The following PDE10A variants were observed in gnomAD, a reference collection of about 807,000 sequenced individuals.
PDE10A encodes phosphodiesterase 10A.
PDE10A carries 39 observed loss-of-function variants against 97.7 expected under a neutral mutation model. That is an observed-to-expected ratio of 0.40 (90% CI 0.31 to 0.52). The LOEUF is 0.52. Ranked by LOEUF, PDE10A falls within the 20% of genes least tolerant of loss-of-function variation. The probability of loss-of-function intolerance (pLI) is 0.56; values close to 1 mark genes in which losing one functional copy is unlikely to be tolerated. For synonymous variants in PDE10A, 371 were observed against 376.8 expected (o/e 0.98, Z 0.18); for missense variants, 731 against 1,047.8 (o/e 0.70, Z 4.17).
At chr6:165,946,521 A>G (rs532287097) in intron 1 of PDE10A, among the ~76,000 whole-genome samples, 1 of 151,746 alleles carries the variant, frequency 6.6e-6, no homozygotes, top group South Asian at 2.1e-4. Context: ...AAAGAAAAAG[A>G]AAAAGGAAAA....
chr6:165,914,752 A>G (rs562702790), intron 1 of PDE10A, among the ~76,000 whole-genome samples: 88 of 152,334 alleles, frequency 5.8e-4, no homozygotes, highest in African/African-American at 2.1e-3. Flanking sequence ...TGTGTTTGTC[A>G]TCTCATAAAT....
chr6:165,595,751 C>T (rs974786920), intron 1 of PDE10A, among the ~76,000 whole-genome samples: 1 of 152,226 alleles, frequency 6.6e-6, no homozygotes, highest in Non-Finnish European at 1.5e-5. Context: ...CTAGTGAAGG[C>T]CCCTTCTTCA....
At position 165,406,230 on chromosome 6, in the gene PDE10A, G is replaced by GTGTGTGTT. The variant is rs1245511835; in HGVS notation, c.2076+7270_2076+7271insAACACACA. On this transcript the variant is annotated intron_variant, in intron 13 of 21. Transcript: ENST00000539869. ...CAAATTCAAGATGAGGGAAAAGGAT[G>GTGTGTGTT]TGTGTGTGTGTGTGTGTGTGTGTGT... is the stretch of plus-strand genomic sequence containing the variant. 2.6e-4 allele frequency among the ~76,000 whole-genome samples: 36 copies of GTGTGTGTT among 141,092 alleles called. No homozygotes were observed. The South Asian group carries it at 6.1e-3, about 24-fold the overall frequency. 92.6% of individuals were successfully genotyped at this position (141,092 alleles called of 152,430 possible). A position where few individuals can be genotyped will look rare whatever the true frequency, so the allele number is the denominator to read the frequency against.
At chr6:165,416,101 G>A in intron 12 of PDE10A, 88 bp downstream of exon 12, 1 of 838,780 alleles carries the variant, frequency 1.2e-6, no homozygotes, top group Non-Finnish European at 2.1e-6. Context: ...ATTGGGACGT[G>A]GAGAACTCAG....
chr6:165,914,413 T>C (rs1782549246), intron 1 of PDE10A, among the ~76,000 whole-genome samples: 1 of 152,236 alleles, frequency 6.6e-6, no homozygotes, highest in Admixed American at 6.5e-5. Flanking sequence ...TCGCCTGTGA[T>C]GACATCATTC....
At chr6:165,603,239 T>C (rs1175719644) in intron 1 of PDE10A, among the ~76,000 whole-genome samples, 1 of 152,196 alleles carries the variant, frequency 6.6e-6, no homozygotes, top group African/African-American at 2.4e-5. Context: ...TCCAGCCATG[T>C]TGAGGAACCC....
chr6:165,950,886 A>G (rs1340088646), intron 1 of PDE10A, among the ~76,000 whole-genome samples: 1 of 152,244 alleles, frequency 6.6e-6, no homozygotes, highest in African/African-American at 2.4e-5. Context: ...ACTGGGGTAC[A>G]CGTTGGGAGA....
rs187687920 is a variant in PDE10A at position 165,389,971 on chromosome 6, T to C, written c.2455-1518A>G. ...TTTCTATTCTTTCATGAAGGGATTT[T>C]GAGTGGAATTCAGGTTATGCCAAAC... On this transcript the variant is annotated intron_variant, in intron 16 of 21. Coordinates refer to ENST00000539869, the MANE Select transcript of PDE10A (RefSeq NM_001385079.1). 9.1e-4 allele frequency among the ~76,000 whole-genome samples: 139 copies of C among 152,334 alleles called. 4 individuals are homozygous for C. The highest frequency in any genetic ancestry group is 5.2e-4 in the Admixed American group (8 of 15,302).
intron 1 of PDE10A, among the ~76,000 whole-genome samples, chr6:165,636,465 C>T (rs1030374869): frequency 1.8e-4 from 28 of 152,126 alleles, no homozygotes; most frequent in African/African-American, 6.5e-4. Context: ...AGAAGAACTC[C>T]AATTTTATTA....
intron 1 of PDE10A, among the ~76,000 whole-genome samples, chr6:165,847,122 C>T (rs1780442128): frequency 6.6e-6 from 1 of 152,192 alleles, no homozygotes; most frequent in South Asian, 2.1e-4. Flanking sequence ...TCCTCTTCTA[C>T]CATACACACC....
intron 1 of PDE10A, among the ~76,000 whole-genome samples, chr6:165,682,623 G>A (rs9355543): frequency 0.87 from 133,039 of 152,162 alleles, 58,325 homozygotes; most frequent in South Asian, 0.92. Flanking sequence ...TCTACGAACC[G>A]GAAAGCCAGC....
chr6:165,442,410 C>G (rs1790540223), intron 5 of PDE10A, among the ~76,000 whole-genome samples: 1 of 151,994 alleles, frequency 6.6e-6, no homozygotes, highest in Non-Finnish European at 1.5e-5. Context: ...TTAATTGACT[C>G]ACAGTTCCAC....
At chr6:165,831,106 C>T (rs911046060) in intron 1 of PDE10A, among the ~76,000 whole-genome samples, 7 of 152,128 alleles carry the variant, frequency 4.6e-5, no homozygotes, top group South Asian at 2.1e-4. Context: ...ATTGCCAGGC[C>T]GGGCGCGGTG....
rs568867700 is a variant in PDE10A, at chr6:165,347,387, AT to A, written c.2784-3886del. ...GATATAGTAATTATCTCACTAAAAT[AT>A]ACTTTAAATTTAAGTTCTAAAATCT... is the stretch of plus-strand genomic sequence containing the variant. On this transcript the variant is annotated intron_variant, in intron 18 of 21. Transcript: ENST00000539869. Among the ~76,000 whole-genome samples, 445 of 152,312 alleles carry A rather than the reference AT, an allele frequency of 2.9e-3. 3 individuals carry two copies. The highest frequency in any genetic ancestry group is 1.0e-2 in the African/African-American group (414 of 41,582).
chr6:165,809,049 A>G (rs549362481), intron 1 of PDE10A, among the ~76,000 whole-genome samples: 2 of 152,366 alleles, frequency 1.3e-5, no homozygotes, highest in South Asian at 4.1e-4. Context: ...TTGAACACAT[A>G]CAGACTTTTG....
chr6:165,843,572 C>T (rs1004338514), intron 1 of PDE10A, among the ~76,000 whole-genome samples: 1 of 152,140 alleles, frequency 6.6e-6, no homozygotes, highest in Non-Finnish European at 1.5e-5. Context: ...GTAGAAGGGA[C>T]GGACAGGCTC....
At chr6:165,478,205 T>C (rs1779401321) in intron 3 of PDE10A, among the ~76,000 whole-genome samples, 1 of 152,220 alleles carries the variant, frequency 6.6e-6, no homozygotes, top group Non-Finnish European at 1.5e-5. Context: ...GTTTTCTGCA[T>C]AACAGTAAGG....
Position 165,485,467 on chromosome 6 carries a change from C to CAA in PDE10A, c.995-3126_995-3125dup, listed in dbSNP as rs534131585. 3.7e-3 allele frequency among the ~76,000 whole-genome samples: 187 copies of CAA among 50,212 alleles called. 2 individuals carry two copies. The highest frequency in any genetic ancestry group is 0.011 in the African/African-American group (167 of 14,954). 32.9% of individuals were successfully genotyped at this position (50,212 alleles called of 152,430 possible). On this transcript the variant is annotated intron_variant, in intron 2 of 21. Transcript: ENST00000539869. Reference sequence around the variant, plus strand: ...TGGGTGACAGAGTGAGACTCTGTCTCAAAAAAAAAAAAAAAAAAAGACAAG... The same window carrying CAA: ...TGGGTGACAGAGTGAGACTCTGTCTCAAAAAAAAAAAAAAAAAAAAAGACAAG...
chr6:165,327,889 T>A lies in PDE10A; in HGVS notation c.*5136A>T, dbSNP rs1264415809. 1 of 152,220 alleles carries A rather than the reference T, an allele frequency of 6.6e-6. No homozygotes were observed. The highest frequency in any genetic ancestry group is 6.5e-5 in the Admixed American group (1 of 15,278). The allele number at this position is 152,220 out of a possible 1,614,324, so 9.4% of individuals were successfully genotyped here. On this transcript the variant is annotated 3_prime_UTR_variant, in exon 22 of 22. Transcript: ENST00000539869. ...TGTGATGGCATATAACCTGTGTTAC[T>A]CTCCAGTAGTTTTTGGTCAGCAAGA...
Sources: gnomAD v4.1 joint callset for allele counts (sites outside exome capture counted in the v4.1 genomes callset) on GRCh38, gnomAD v4.1.1 for gene constraint, MANE v1.5 for transcripts, NCBI Gene and HGNC (gene_info 2026-07-23, HGNC 2026-07-21) for gene names.